PRKN: variants seen among roughly 807,000 people sequenced by gnomAD.
PRKN encodes the protein parkin RBR E3 ubiquitin protein ligase.
In PRKN, 56 loss-of-function variants were observed where a neutral mutation model predicts 59.5. The observed-to-expected ratio is 0.94, with a 90% confidence interval of 0.76 to 1.18. The LOEUF is 1.18. PRKN is among the 50% of genes most tolerant of loss of function. The probability of loss-of-function intolerance (pLI) is 0.00; values close to 1 mark genes in which losing one functional copy is unlikely to be tolerated. For synonymous variants in PRKN, 250 were observed against 222.1 expected, an observed-to-expected ratio of 1.13 and a Z score of -1.12; for missense variants, 657 against 596.4, an observed-to-expected ratio of 1.10 and a Z score of -1.06.
At chr6:161,723,591 G>A (rs957807231) in intron 7 of PRKN, among the ~76,000 whole-genome samples, 1 of 152,020 alleles carries the variant, frequency 6.6e-6, no homozygotes, top group African/African-American at 2.4e-5. Context: ...CAAACTCAGG[G>A]ATGAAAGAAA....
intron 6 of PRKN, among the ~76,000 whole-genome samples, chr6:161,844,756 G>T (rs1793129449): frequency 1.3e-5 from 2 of 152,242 alleles, no homozygotes; most frequent in South Asian, 4.1e-4. Context: ...GTATAAGGCA[G>T]CAGGACAGAC....
Position 162,644,101 on chromosome 6 carries a change from A to T in PRKN, c.7+83561T>A, listed in dbSNP as rs139590525. On this transcript the variant is annotated intron_variant, in intron 1 of 11. Transcript: ENST00000366898. ...AAGTAGGTTGAACGCTCCCACTTTC[A>T]GCACATTCAGTCTTTTGGCAATGGA... 7.9e-3 allele frequency among the ~76,000 whole-genome samples: 1,207 copies of T among 152,274 alleles called. 16 individuals are homozygous for T. The highest frequency in any genetic ancestry group is 0.061 in the Middle Eastern group (18 of 294).
At chr6:162,425,152 A>G (rs1789171424) in intron 2 of PRKN, among the ~76,000 whole-genome samples, 1 of 152,188 alleles carries the variant, frequency 6.6e-6, no homozygotes, top group South Asian at 2.1e-4. Flanking sequence ...GTAATCAGAG[A>G]TCTGCTCTTC....
intron 4 of PRKN, among the ~76,000 whole-genome samples, chr6:162,141,301 A>G (rs1033637407): frequency 3.3e-5 from 5 of 152,192 alleles, no homozygotes; most frequent in African/African-American, 1.2e-4. Flanking sequence ...AATAAAAATT[A>G]TCAAAAGTAT....
At chr6:162,072,031 T>C (rs1316206103) in intron 4 of PRKN, among the ~76,000 whole-genome samples, 2 of 152,192 alleles carry the variant, frequency 1.3e-5, no homozygotes, top group African/African-American at 4.8e-5. Flanking sequence ...ATTTTTTAAT[T>C]CCTTTAACAA....
At chr6:161,731,967 G>C (rs1787734163) in intron 7 of PRKN, among the ~76,000 whole-genome samples, 1 of 151,904 alleles carries the variant, frequency 6.6e-6, no homozygotes, top group African/African-American at 2.4e-5. Flanking sequence ...TTTTGTTTTA[G>C]ATTCAGAAGT....
chr6:162,191,740 G>C (rs147605358), intron 4 of PRKN, among the ~76,000 whole-genome samples: 1 of 152,162 alleles, frequency 6.6e-6, no homozygotes. Flanking sequence ...ACCGTGCCCG[G>C]CCAGAATTAT....
At chr6:161,509,759 A>G (rs1185133428) in intron 9 of PRKN, among the ~76,000 whole-genome samples, 1 of 151,804 alleles carries the variant, frequency 6.6e-6, no homozygotes, top group Admixed American at 6.6e-5. Context: ...GCGCGCCTGT[A>G]ATCCCAGCTA....
chr6:161,970,665 G>C (rs1780770214), intron 6 of PRKN, among the ~76,000 whole-genome samples: 1 of 151,694 alleles, frequency 6.6e-6, no homozygotes, highest in Non-Finnish European at 1.5e-5. Context: ...AGCCTCCCGA[G>C]TAGCTGGGAC....
intron 9 of PRKN, among the ~76,000 whole-genome samples, chr6:161,439,676 G>A (rs747306246): frequency 2.7e-5 from 4 of 148,700 alleles, no homozygotes; most frequent in Non-Finnish European, 4.5e-5. Flanking sequence ...AGCTAGAAGT[G>A]TACCTTTGGT....
At chr6:161,532,141 A>ACTCTCTCTCTCTCT (rs773618878) in intron 9 of PRKN, among the ~76,000 whole-genome samples, 28 of 134,442 alleles carry the variant, frequency 2.1e-4, no homozygotes, top group African/African-American at 7.0e-4. Flanking sequence ...TCTGTCTTGC[A>ACTCTCTCTCTCTCT]CTCTCTCTCT....
In PRKN at chr6:161,360,311, C is replaced by A; in HGVS notation, c.1168-106G>T. On this transcript the variant is annotated intron_variant, in intron 10 of 11. Transcript: ENST00000366898. This position sits in a 1 kb window ranked among gnomAD's most constrained non-coding sequence, Gnocchi z 5.1. ...CAGGAAATTCTTGAAGACAGGAGTG[C>A]CTTCGGGCAAGAAGCCTAAATATCA... 2 of 909,560 alleles carry A rather than the reference C, an allele frequency of 2.2e-6. No individual in the cohort carries two copies. Among genetic ancestry groups the A allele is most frequent in the Admixed American group, 1.7e-5 (1 of 57,424 alleles). 56.3% of individuals were successfully genotyped at this position (909,560 alleles called of 1,614,324 possible). A position where few individuals can be genotyped will look rare whatever the true frequency, so the allele number is the denominator to read the frequency against.
chr6:162,002,579 C>T (rs575109949), intron 5 of PRKN, among the ~76,000 whole-genome samples: 73 of 54,236 alleles, frequency 1.3e-3, no homozygotes, highest in Admixed American at 8.3e-3. Context: ...TTTCAAATAA[C>T]CATTTTTTTT....
chr6:161,576,664 A>G lies in PRKN; in HGVS notation c.872-7248T>C, dbSNP rs766427007. Among the ~76,000 whole-genome samples the G allele has an allele frequency of 6.6e-6, 1 of 152,182 alleles. No homozygotes were observed. The highest frequency in any genetic ancestry group is 1.5e-5 in the Non-Finnish European group (1 of 68,030). On this transcript the variant is annotated intron_variant, in intron 7 of 11. Coordinates refer to ENST00000366898, the MANE Select transcript of PRKN (RefSeq NM_004562.3). The surrounding 1 kb of genome is among the most constrained non-coding windows in gnomAD (Gnocchi z 4.6). ...AAGGGGCGAGAGACAATAAAAATAA[A>G]CTAATAAGTAGGTAAATGAAGTAAC...
At chr6:162,245,426 C>G (rs1779158203) in intron 3 of PRKN, among the ~76,000 whole-genome samples, 1 of 151,972 alleles carries the variant, frequency 6.6e-6, no homozygotes, top group Admixed American at 6.6e-5. Context: ...CCAATTTATA[C>G]AGCTTGCTGC....
At chr6:162,382,144 T>A (rs918662027) in intron 2 of PRKN, among the ~76,000 whole-genome samples, 28 of 152,270 alleles carry the variant, frequency 1.8e-4, no homozygotes, top group African/African-American at 6.7e-4. Context: ...CTCAGAGTCA[T>A]AAATAAGGTT....
intron 2 of PRKN, among the ~76,000 whole-genome samples, chr6:162,339,260 C>T (rs1784022966): frequency 6.9e-6 from 1 of 145,352 alleles, no homozygotes; most frequent in Non-Finnish European, 1.6e-5. Context: ...CAGCCCCCCG[C>T]CCGGCCAGCC....
At chr6:162,625,669 TTATG>T (rs929718608) in intron 1 of PRKN, among the ~76,000 whole-genome samples, 78 of 152,192 alleles carry the variant, frequency 5.1e-4, no homozygotes, top group African/African-American at 1.7e-3. Context: ...GTATATGTAT[TTATG>T]TATGTGTGTG....
Position 161,728,245 on chromosome 6 carries a change from A to G in PRKN, c.871+57527T>C, listed in dbSNP as rs182770462. Among the ~76,000 whole-genome samples the G allele has an allele frequency of 1.3e-4, 13 of 102,890 alleles. No homozygotes were observed. The East Asian group carries it at 2.1e-3, about 17-fold the overall frequency. The allele number at this position is 102,890 out of a possible 152,430, so 67.5% of individuals were successfully genotyped here. The stretch of plus-strand genomic sequence containing the variant: ...TGTTTTTCTCCTACCAAAATGTGAG[A>G]AAAAAAAAAACATTCCACACCTATA... On this transcript the variant is annotated intron_variant, in intron 7 of 11. Coordinates refer to ENST00000366898, the MANE Select transcript of PRKN (RefSeq NM_004562.3).
Sources: allele counts gnomAD v4.1 joint callset (sites outside exome capture counted in the v4.1 genomes callset), GRCh38; gene constraint gnomAD v4.1.1; non-coding constraint Gnocchi (gnomAD v3.1); transcripts MANE v1.5; gene names NCBI Gene and HGNC (gene_info 2026-07-23, HGNC 2026-07-21).